Variants in ATRIP observed in about 807,000 individuals in gnomAD.
The protein encoded by ATRIP is ATR interacting protein, also known as ATR-interacting protein.
ATRIP carries 44 observed loss-of-function variants against 78.1 expected under a neutral mutation model. That is an observed-to-expected ratio of 0.56 (90% CI 0.44 to 0.72). The LOEUF is 0.72. ATRIP is among the 30% of genes least tolerant of loss of function. The pLI is 0.00. For missense variants in ATRIP, 927 were observed against 980.2 expected (o/e 0.95, Z 0.72); for synonymous variants, 388 against 408.9 (o/e 0.95, Z 0.62).
chr3:48,449,435 G>A (rs57001752), intron 1 of ATRIP, among the ~76,000 whole-genome samples: 71,131 of 125,046 alleles, frequency 0.57, 19,854 homozygotes, highest in East Asian at 0.68. Flanking sequence ...AAAAAAAAAA[G>A]AAGGATCATT....
Position 48,465,795 on chromosome 3 carries a change from G to A in ATRIP, c.*241G>A, listed in dbSNP as rs2040269589. ...CCCATGGTAACTGATCTGCCTTGAGGAAGGAGCCCTGCCCTGCCTGTGGAA... is the reference window on the plus strand; with the variant it reads ...CCCATGGTAACTGATCTGCCTTGAGAAAGGAGCCCTGCCCTGCCTGTGGAA... On this transcript the variant is annotated 3_prime_UTR_variant, in exon 13 of 13. Transcript: ENST00000320211. 2 of 486,990 alleles carry A rather than the reference G, an allele frequency of 4.1e-6. No individual in the cohort carries two copies. Among genetic ancestry groups the A allele is most frequent in the East Asian group, 3.9e-5 (1 of 25,866 alleles). 30.2% of individuals were successfully genotyped at this position (486,990 alleles called of 1,614,324 possible). A position where few individuals can be genotyped will look rare whatever the true frequency, so the allele number is the denominator to read the frequency against.
chr3:48,467,623 A>G lies in ATRIP; in HGVS notation c.*2069A>G. On this transcript the variant is annotated 3_prime_UTR_variant, in exon 13 of 13. Transcript: ENST00000320211. Reference sequence around the variant, plus strand: ...TAGGCCAAGAAGGAAAATCTGACGAATAAAGACCCCCGCTGCCCCATAGCA... The same window carrying G: ...TAGGCCAAGAAGGAAAATCTGACGAGTAAAGACCCCCGCTGCCCCATAGCA... 1 of 1,604,916 alleles carries G rather than the reference A, an allele frequency of 6.2e-7. No individual in the cohort carries two copies. The highest frequency in any genetic ancestry group is 8.5e-7 in the Non-Finnish European group (1 of 1,175,222).
rs934428841 is a variant in ATRIP at position 48,446,791 on chromosome 3, T to C, written c.-55T>C. On this transcript the variant is annotated 5_prime_UTR_variant, in exon 1 of 13. Coordinates refer to ENST00000320211, the MANE Select transcript of ATRIP (RefSeq NM_130384.3). ...GGACGGTTGGTCCAGTTCTCCGGCC[T>C]GGCGGCAGGCAAGTCTAGCTCGGCG... 7.4e-7 allele frequency: 1 copy of C among 1,356,552 alleles called. No individual in the cohort carries two copies. The highest frequency in any genetic ancestry group is 9.5e-7 in the Non-Finnish European group (1 of 1,052,286). The allele number at this position is 1,356,552 out of a possible 1,614,324, so 84.0% of individuals were successfully genotyped here.
At chr3:48,452,865 A>G (rs934321907) in intron 3 of ATRIP, among the ~76,000 whole-genome samples, 14 of 134,434 alleles carry the variant, frequency 1.0e-4, no homozygotes, top group African/African-American at 3.7e-4. Flanking sequence ...TAGGGAAATT[A>G]TTGAATTTTT....
Position 48,460,669 on chromosome 3 carries a change from T to G in ATRIP, c.1615T>G (p.Leu539Val). ...VADDQGQHPLLKMLLHLLAFS... is the reference protein window; with the variant it reads ...VADDQGQHPLVKMLLHLLAFS... ...TGATGACCAAGGACAGCACCCACTG[T>G]TGAAGATGCTTCTTCACCTGTTGGC... The change falls in exon 8 of 13, where the codon TTG becomes GTG. Residue 539 changes from leucine to valine, a missense_variant. By Grantham distance (32) the Leu-to-Val change is conservative. Transcript: ENST00000320211. 3.7e-6 allele frequency: 6 copies of G among 1,614,196 alleles called. No homozygotes were observed. Among genetic ancestry groups the G allele is most frequent in the Non-Finnish European group, 5.1e-6 (6 of 1,179,996 alleles).
Position 48,465,537 on chromosome 3 carries a change from G to A in ATRIP, c.2359G>A (p.Glu787Lys), listed in dbSNP as rs374400972. ...CGCGGAAACCGATGTGGAAGACCCC[G>A]AGGTGGAGTGTGGCTGAGGCCCTGA... ...CAAETDVEDP[E>K]VECG The change falls in exon 13 of 13, where the codon GAG becomes AAG. Residue 787 changes from glutamate (E) to lysine (K), a missense_variant. Transcript: ENST00000320211. 28 of 1,613,818 alleles carry A rather than the reference G, an allele frequency of 1.7e-5. No individual in the cohort carries two copies. Among genetic ancestry groups the A allele is most frequent in the African/African-American group, 1.7e-4 (13 of 74,934 alleles).
chr3:48,447,127 G>T (rs753699864), intron 1 of ATRIP, 35 bp downstream of exon 1: 1 of 1,456,510 alleles, frequency 6.9e-7, no homozygotes, highest in Non-Finnish European at 9.1e-7. Context: ...CTCGGAGGGA[G>T]TTGTCAACCG....
rs2039976537 is a variant in ATRIP at position 48,457,272 on chromosome 3, C to G, written c.685C>G (p.Pro229Ala). ...SVSHVSPRKN[P>A]SVVIKPEACS... ...AACTTTTTCCAGTCCTAGGAAAAAC[C>G]CTTCTGTGGTTATAAAGCCAGAAGC... Residue 229 changes from proline to alanine, a missense_variant, in exon 5 of 13, where the codon CCT becomes GCT. Pro to Ala is a conservative substitution (Grantham distance 27, BLOSUM62 -1). Transcript: ENST00000320211. 1 of 1,571,722 alleles carries G rather than the reference C, an allele frequency of 6.4e-7. No homozygotes were observed. Among genetic ancestry groups the G allele is most frequent in the Non-Finnish European group, 8.6e-7 (1 of 1,161,708 alleles).
intron 12 of ATRIP, 147 bp from the exon 13 acceptor site, chr3:48,465,340 C>A: frequency 1.1e-6 from 1 of 903,544 alleles, no homozygotes; most frequent in Non-Finnish European, 1.7e-6. Context: ...GCCTTTGTAT[C>A]ACTTTGTTTG....
intron 2 of ATRIP, chr3:48,450,605 T>G (rs2039810413): frequency 8.5e-7 from 1 of 1,180,464 alleles, no homozygotes; most frequent in Non-Finnish European, 1.1e-6. Flanking sequence ...TTTTTTTTTT[T>G]TTTTGGAGAT....
At position 48,446,935 on chromosome 3, in the gene ATRIP, G is replaced by A; in HGVS notation, c.90G>A (p.Pro30=). 2 of 1,466,004 alleles carry A rather than the reference G, an allele frequency of 1.4e-6. No individual in the cohort carries two copies. The highest frequency in any genetic ancestry group is 1.8e-6 in the Non-Finnish European group (2 of 1,109,044). 90.8% of individuals were successfully genotyped at this position (1,466,004 alleles called of 1,614,324 possible). The part of the protein sequence containing the change: ...PGPPPGTGHP[P]SKRARGFSAA... The stretch of plus-strand genomic sequence containing the variant: ...CGCCGCCGGGCACCGGGCACCCCCC[G>A]AGCAAGCGGGCCCGGGGCTTCTCCG... Residue 30 remains proline (P), a synonymous_variant, in exon 1 of 13, where the codon CCG becomes CCA. Transcript: ENST00000320211.
chr3:48,460,528 G>C lies in ATRIP; in HGVS notation c.1474G>C (p.Val492Leu). 6.2e-7 allele frequency: 1 copy of C among 1,614,054 alleles called. No homozygotes were observed. The highest frequency in any genetic ancestry group is 8.5e-7 in the Non-Finnish European group (1 of 1,179,972). The stretch of plus-strand genomic sequence containing the variant: ...GCACCTGGTGTGCCACAGCGGAGCA[G>C]TCGTCTCCCTATTACTGTCAGGAGT... ...LQHLVCHSGA[V>L]VSLLLSGVGA... Residue 492 changes from valine (V) to leucine (L), a missense_variant, in exon 8 of 13, where the codon GTC becomes CTC. Val to Leu is a conservative substitution (Grantham distance 32). Transcript: ENST00000320211.
rs532286717 is a variant in ATRIP at position 48,466,839 on chromosome 3, C to G, written c.*1285C>G. On this transcript the variant is annotated 3_prime_UTR_variant, in exon 13 of 13. Coordinates refer to ENST00000320211, the MANE Select transcript of ATRIP (RefSeq NM_130384.3). Reference sequence around the variant, plus strand: ...ACCTCCCACAGTTCCTCCACCACCGCGTGTGGTAGACAAGCTCTCCCTGTG... The same window carrying G: ...ACCTCCCACAGTTCCTCCACCACCGGGTGTGGTAGACAAGCTCTCCCTGTG... 6.8e-6 allele frequency: 11 copies of G among 1,614,012 alleles called. No individual in the cohort carries two copies. Among genetic ancestry groups the G allele is most frequent in the Non-Finnish European group, 9.3e-6 (11 of 1,180,048 alleles).
At position 48,465,396 on chromosome 3, in the gene ATRIP, T is replaced by A. The variant is rs1575289471; in HGVS notation, c.2309-91T>A. The stretch of plus-strand genomic sequence containing the variant: ...CCTGGGTGTGGAAGGGACTGGTTAG[T>A]TCCTGCGGACGTTGGGGGAGGAGAG... On this transcript the variant is annotated intron_variant, in intron 12 of 12. Transcript: ENST00000320211. 7.5e-6 allele frequency: 10 copies of A among 1,335,014 alleles called. No homozygotes were observed. In the South Asian group the frequency reaches 1.2e-4, roughly 16 times the overall value. The allele number at this position is 1,335,014 out of a possible 1,614,324, so 82.7% of individuals were successfully genotyped here. A position where few individuals can be genotyped will look rare whatever the true frequency, so the allele number is the denominator to read the frequency against.
At chr3:48,458,605 C>T (rs1167363211) in intron 5 of ATRIP, among the ~76,000 whole-genome samples, 1 of 152,198 alleles carries the variant, frequency 6.6e-6, no homozygotes, top group Non-Finnish European at 1.5e-5. Context: ...CAGGCATGAG[C>T]CACCGTGCCC....
chr3:48,463,931 A>C, intron 9 of ATRIP, 50 bp downstream of exon 9: 2 of 1,588,268 alleles, frequency 1.3e-6, no homozygotes, highest in Non-Finnish European at 1.7e-6. Flanking sequence ...GATCAAGGGA[A>C]GGGTTGGGGT....
rs1481032933 is a variant in ATRIP, at chr3:48,446,905, C to T, written c.60C>T (p.Pro20=). 2 of 1,389,356 alleles carry T rather than the reference C, an allele frequency of 1.4e-6. No homozygotes were observed. The highest frequency in any genetic ancestry group is 3.6e-5 in the South Asian group (2 of 54,966). 86.1% of individuals were successfully genotyped at this position (1,389,356 alleles called of 1,614,324 possible). The change falls in exon 1 of 13, where the codon CCC becomes CCT. Residue 20 remains proline, a synonymous_variant. Transcript: ENST00000320211. Reference sequence around the variant, plus strand: ...GGAGCGAGCCCCCGGCGCCTCGCCCCGGCCCGCCGCCGGGCACCGGGCACC... The same window carrying T: ...GGAGCGAGCCCCCGGCGCCTCGCCCTGGCCCGCCGCCGGGCACCGGGCACC... ...KRRSEPPAPR[P]GPPPGTGHPP...
chr3:48,466,155 G>A lies in ATRIP; in HGVS notation c.*601G>A, dbSNP rs1008387400. On this transcript the variant is annotated 3_prime_UTR_variant, in exon 13 of 13. Transcript: ENST00000320211. ...GGGGGGGAACGGATGGTGGTGAGAG[G>A]GACAGACCAGGCAGGCTGACGAGCA... The A allele has an allele frequency of 6.3e-6, 3 of 473,382 alleles. No homozygotes were observed. The highest frequency in any genetic ancestry group is 5.9e-5 in the African/African-American group (3 of 50,942). 29.3% of individuals were successfully genotyped at this position (473,382 alleles called of 1,614,324 possible).
In ATRIP at chr3:48,466,109, C is replaced by T. The variant is rs1054850561; in HGVS notation, c.*555C>T. 1 of 394,092 alleles carries T rather than the reference C, an allele frequency of 2.5e-6. No homozygotes were observed. The highest frequency in any genetic ancestry group is 2.3e-5 in the South Asian group (1 of 43,944). The allele number at this position is 394,092 out of a possible 1,614,324, so 24.4% of individuals were successfully genotyped here. On this transcript the variant is annotated 3_prime_UTR_variant, in exon 13 of 13. Transcript: ENST00000320211. ...ATCTTGGAAGGCCTCTGGGGTCCCC[C>T]GGGAGCAGGGGAGTGGGTGTGGGGG...
Sources: allele counts gnomAD v4.1 joint callset (sites outside exome capture counted in the v4.1 genomes callset), GRCh38; gene constraint gnomAD v4.1.1; transcripts MANE v1.5; gene names NCBI Gene and HGNC (gene_info 2026-07-23, HGNC 2026-07-21).